TTC7A: variants seen among roughly 807,000 people sequenced by gnomAD.
The protein encoded by TTC7A is tetratricopeptide repeat domain 7A.
Under a neutral mutation model 103.7 loss-of-function variants are expected in TTC7A, and 110 were observed. The observed-to-expected ratio is 1.06, with a 90% CI of 0.91 to 1.24. The LOEUF is 1.24. Ranked by LOEUF, TTC7A falls within the 50% of genes most tolerant of loss-of-function variation. The pLI, the probability that TTC7A is intolerant of heterozygous loss-of-function variation, is 0.00. For missense variants in TTC7A, 1,340 were observed against 1,116.3 expected, an observed-to-expected ratio of 1.20 and a Z score of -2.86; for synonymous variants, 521 against 467.9, an observed-to-expected ratio of 1.11 and a Z score of -1.47.
chr2:46,947,121 T>C (rs1671010535), intron 1 of TTC7A, among the ~76,000 whole-genome samples: 1 of 152,206 alleles, frequency 6.6e-6, no homozygotes, highest in African/African-American at 2.4e-5. Flanking sequence ...TTAAGACTGT[T>C]GTTTATTTTG....
chr2:47,018,281 GAAAAA>G (rs35448648), intron 11 of TTC7A, among the ~76,000 whole-genome samples: 1 of 124,418 alleles, frequency 8.0e-6, no homozygotes, highest in Non-Finnish European at 1.7e-5. Flanking sequence ...GTCCGTCTCA[GAAAAA>G]AAAAAAAAAA....
intron 1 of TTC7A, among the ~76,000 whole-genome samples, chr2:46,943,346 C>G (rs1182969767): frequency 6.6e-6 from 1 of 152,222 alleles, no homozygotes; most frequent in African/African-American, 2.4e-5. Context: ...GCCTGAGTCT[C>G]TGCCACCAAG....
rs750887765 is a variant in TTC7A at position 46,941,630 on chromosome 2, C to G, written c.89C>G (p.Pro30Arg). 4 of 1,554,746 alleles carry G rather than the reference C, an allele frequency of 2.6e-6. No homozygotes were observed. The highest frequency in any genetic ancestry group is 1.2e-5 in the South Asian group (1 of 84,286). Reference sequence around the variant, plus strand: ...GCCGAGGGCCACTGGGACCGCATGCCGGAGCTGGTCCGGCAGCTGCAGACG... The same window carrying G: ...GCCGAGGGCCACTGGGACCGCATGCGGGAGCTGGTCCGGCAGCTGCAGACG... ...CRAEGHWDRMPELVRQLQTLS... is the reference protein window; with the variant it reads ...CRAEGHWDRMRELVRQLQTLS... Residue 30 changes from proline to arginine, a missense_variant, in exon 1 of 20, where the codon CCG becomes CGG. By Grantham distance (103) the Pro-to-Arg change is moderately radical. Transcript: ENST00000319190. This position sits in a 1 kb window ranked among gnomAD's most constrained non-coding sequence, Gnocchi z 4.2.
intron 19 of TTC7A, among the ~76,000 whole-genome samples, chr2:47,061,185 C>G (rs963202634): frequency 1.3e-5 from 2 of 152,188 alleles, no homozygotes; most frequent in African/African-American, 4.8e-5. Flanking sequence ...GGCCATTTCC[C>G]TTCAATCAGG....
chr2:46,943,410 ACTGGCC>A (rs1227300479), intron 1 of TTC7A, among the ~76,000 whole-genome samples: 25 of 151,622 alleles, frequency 1.6e-4, no homozygotes, highest in African/African-American at 5.6e-4. Context: ...CACTGTGGGA[ACTGGCC>A]AGTATAAGGA....
chr2:47,050,113 C>A, intron 17 of TTC7A, 67 bp downstream of exon 17: 1 of 1,362,612 alleles, frequency 7.3e-7, no homozygotes, highest in Non-Finnish European at 1.0e-6. Context: ...CTTGAGAGCA[C>A]CAACACAGAG....
chr2:47,033,354 G>T (rs1292718193), intron 15 of TTC7A, among the ~76,000 whole-genome samples: 2 of 152,244 alleles, frequency 1.3e-5, no homozygotes, highest in African/African-American at 2.4e-5. Context: ...AGTGCCTGAG[G>T]CCTATTAGAG....
intron 3 of TTC7A, among the ~76,000 whole-genome samples, chr2:46,967,082 G>A (rs191282685): frequency 9.2e-5 from 14 of 151,936 alleles, no homozygotes; most frequent in African/African-American, 3.1e-4. Context: ...GCGTGGTGGC[G>A]CGTGCCTGTA....
rs563024865 is a variant in TTC7A, at chr2:46,920,410, A to G, written c.82+3133A>G. Among the ~76,000 whole-genome samples the G allele has an allele frequency of 1.1e-4, 16 of 152,074 alleles. No homozygotes were observed. The South Asian group carries it at 1.9e-3, about 18-fold the overall frequency. Reference sequence around the variant, plus strand: ...AGTGGCACGATCTTAGCTCACTGCAATCTTTGCCTCCTGGGTTCAAGCAGT... The same window carrying G: ...AGTGGCACGATCTTAGCTCACTGCAGTCTTTGCCTCCTGGGTTCAAGCAGT... On this transcript the variant is annotated intron_variant, in intron 2 of 20. Transcript: ENST00000409245.
chr2:46,952,540 C>T lies in TTC7A; in HGVS notation c.348+2014C>T, dbSNP rs557769637. 3.3e-5 allele frequency among the ~76,000 whole-genome samples: 5 copies of T among 152,272 alleles called. No homozygotes were observed. The South Asian group carries it at 1.0e-3, about 32-fold the overall frequency. On this transcript the variant is annotated intron_variant, in intron 2 of 19. Transcript: ENST00000319190. Reference sequence around the variant, plus strand: ...GCTAAGGTGGGAGGATTGCTTGAGCCAGAAGTTTGAGATCAGACTGGGCAA... The same window carrying T: ...GCTAAGGTGGGAGGATTGCTTGAGCTAGAAGTTTGAGATCAGACTGGGCAA...
rs762656346 is a variant in TTC7A, at chr2:47,011,441, T to G, written c.1392+6T>G. Reference sequence around the variant, plus strand: ...GCATCGGGTCCCTTCGCTGGGTGAGTGAGCTGTGAGGGCAGGTCCCAGAGG... The same window carrying G: ...GCATCGGGTCCCTTCGCTGGGTGAGGGAGCTGTGAGGGCAGGTCCCAGAGG... On this transcript the variant is annotated splice_donor_region_variant and intron_variant, in intron 11 of 19. Coordinates refer to ENST00000319190, the MANE Select transcript of TTC7A (RefSeq NM_020458.4). 2.5e-6 allele frequency: 4 copies of G among 1,601,064 alleles called. No homozygotes were observed. The East Asian group carries it at 8.9e-5, about 36-fold the overall frequency.
At chr2:47,042,435 G>A (rs1363208544) in intron 15 of TTC7A, among the ~76,000 whole-genome samples, 1 of 152,092 alleles carries the variant, frequency 6.6e-6, no homozygotes, top group East Asian at 1.9e-4. Context: ...CCAGGAGATC[G>A]AGGCTGCAAT....
chr2:47,005,830 A>C, intron 8 of TTC7A, 92 bp from the exon 9 acceptor site: 1 of 1,451,938 alleles, frequency 6.9e-7, no homozygotes, highest in Non-Finnish European at 9.5e-7. Flanking sequence ...AAAAGGTGAT[A>C]GCGGCTGGGC....
chr2:46,956,048 A>G (rs1292004712), intron 2 of TTC7A, among the ~76,000 whole-genome samples: 1 of 152,242 alleles, frequency 6.6e-6, no homozygotes, highest in Non-Finnish European at 1.5e-5. Context: ...GCCCAGGGCC[A>G]GCACAGCCTC....
At chr2:46,975,936 C>T (rs1242709772) in intron 4 of TTC7A, among the ~76,000 whole-genome samples, 1 of 152,122 alleles carries the variant, frequency 6.6e-6, no homozygotes, top group Non-Finnish European at 1.5e-5. Context: ...AGGGTTTCAC[C>T]ATGTTGGCCA....
chr2:46,940,745 A>ACGGGCCTGGGTCCTCGCGAGCATGC (rs1297520406), upstream of TTC7A, among the ~76,000 whole-genome samples: 1 of 152,184 alleles, frequency 6.6e-6, no homozygotes, highest in Admixed American at 6.5e-5. The surrounding 1 kb of genome is among the most constrained non-coding windows in gnomAD (Gnocchi z 4.7). Flanking sequence ...GGGCCTGGGA[A>ACGGGCCTGGGTCCTCGCGAGCATGC]CGGGCCTGGG....
chr2:46,964,135 T>C (rs144355353), intron 3 of TTC7A, among the ~76,000 whole-genome samples: 18 of 152,308 alleles, frequency 1.2e-4, no homozygotes, highest in East Asian at 1.2e-3. Flanking sequence ...GCTTGTTCGA[T>C]TGAAGCACTC....
chr2:47,016,566 A>G (rs962049207), intron 11 of TTC7A, among the ~76,000 whole-genome samples: 2 of 152,358 alleles, frequency 1.3e-5, no homozygotes, highest in African/African-American at 4.8e-5. Flanking sequence ...CCCTAGATAA[A>G]CAAGGCATTC....
chr2:46,915,878 G>A (rs1668749278), upstream of TTC7A: 1 of 976,724 alleles, frequency 1.0e-6, no homozygotes, highest in Non-Finnish European at 1.2e-6. Context: ...TGGCGCCGCC[G>A]GGCCCCTCCC....
Sources: gnomAD v4.1 joint callset for allele counts (sites outside exome capture counted in the v4.1 genomes callset) on GRCh38, gnomAD v4.1.1 for gene constraint, Gnocchi (gnomAD v3.1) non-coding constraint, MANE v1.5 for transcripts, NCBI Gene and HGNC (gene_info 2026-07-23, HGNC 2026-07-21) for gene names.